Variants in ZNF451 observed in about 807,000 individuals in gnomAD.
ZNF451 encodes E3 SUMO-protein ligase ZNF451.
Under a neutral mutation model 107.1 loss-of-function variants are expected in ZNF451, and 80 were observed. The ratio of observed to expected loss-of-function variants is 0.75; its 90% CI spans 0.62 to 0.90. The LOEUF (loss-of-function observed/expected upper bound fraction) is 0.90, where lower values mean the gene tolerates loss of function less well. ZNF451 is among the 40% of genes least tolerant of loss of function. The probability of loss-of-function intolerance (pLI) is 0.00; values close to 1 mark genes in which losing one functional copy is unlikely to be tolerated. For synonymous variants in ZNF451, 362 were observed against 406.5 expected, an observed-to-expected ratio of 0.89 and a Z score of 1.32; for missense variants, 1,107 against 1,236.2, an observed-to-expected ratio of 0.90 and a Z score of 1.57.
intron 3 of ZNF451, chr6:57,105,815 G>T (rs1156890897): frequency 1.0e-6 from 1 of 985,198 alleles, no homozygotes; most frequent in African/African-American, 1.7e-5. Context: ...TTAAAAAGCA[G>T]TAAATTTGCT....
In ZNF451 at chr6:57,153,988, A is replaced by G; in HGVS notation, c.3011A>G (p.His1004Arg). The change falls in exon 13 of 15, where the codon CAC becomes CGC. Residue 1004 changes from histidine to arginine, a missense_variant. His to Arg is a conservative substitution (Grantham distance 29). Coordinates refer to ENST00000370706, the MANE Select transcript of ZNF451 (RefSeq NM_001031623.3). ...TQRPAHILNPHHLEGDMMCAL... is the reference protein window; with the variant it reads ...TQRPAHILNPRHLEGDMMCAL... ...AGGCCAGCTCATATACTAAACCCTCACCACTTAGAGGGAGATATGATGTGT... is the reference window on the plus strand; with the variant it reads ...AGGCCAGCTCATATACTAAACCCTCGCCACTTAGAGGGAGATATGATGTGT... The G allele has an allele frequency of 6.2e-7, 1 of 1,614,110 alleles. No homozygotes were observed. The highest frequency in any genetic ancestry group is 8.5e-7 in the Non-Finnish European group (1 of 1,180,008).
chr6:57,104,390 C>G, intron 3 of ZNF451: 3 of 985,360 alleles, frequency 3.0e-6, no homozygotes, highest in Non-Finnish European at 3.6e-6. Context: ...TTCTGACTAG[C>G]TAAGGCTACT....
In ZNF451 at chr6:57,148,079, T is replaced by A. The variant is rs756076400; in HGVS notation, c.1994T>A (p.Ile665Asn). 6.2e-7 allele frequency: 1 copy of A among 1,614,092 alleles called. No homozygotes were observed. ...CQDEHDNEIK[I>N]KYFCGLCDLI... ...GATGAGCATGACAATGAGATAAAGA[T>A]TAAATACTTCTGTGGGCTTTGTGAT... The change falls in exon 10 of 15, where the codon ATT (isoleucine) becomes AAT (asparagine). Residue 665 changes from isoleucine to asparagine, a missense_variant. By Grantham distance (149) the Ile-to-Asn change is moderately radical. Coordinates refer to ENST00000370706, the MANE Select transcript of ZNF451 (RefSeq NM_001031623.3).
intron 3 of ZNF451, chr6:57,101,736 C>T: frequency 6.4e-7 from 1 of 1,550,494 alleles, no homozygotes; most frequent in Non-Finnish European, 8.7e-7. Flanking sequence ...CTACTAGGGA[C>T]ATAATGGACT....
intron 3 of ZNF451, among the ~76,000 whole-genome samples, chr6:57,118,786 A>G (rs1052245978): frequency 6.6e-6 from 1 of 152,190 alleles, no homozygotes; most frequent in Non-Finnish European, 1.5e-5. Context: ...CTCGACCACT[A>G]ATTTGCTTTT....
intron 3 of ZNF451, chr6:57,106,667 T>A (rs973940394): frequency 1.0e-6 from 1 of 985,038 alleles, no homozygotes; most frequent in Non-Finnish European, 1.2e-6. Flanking sequence ...TCGCACTGTT[T>A]AGGTTCTCTT....
intron 9 of ZNF451, among the ~76,000 whole-genome samples, chr6:57,145,415 G>A (rs1832014381): frequency 6.6e-6 from 1 of 152,144 alleles, no homozygotes; most frequent in Non-Finnish European, 1.5e-5. Context: ...AGTGAACATT[G>A]TACCCAATAG....
At chr6:57,103,410 C>G (rs1232512289) in intron 3 of ZNF451, 1 of 985,266 alleles carries the variant, frequency 1.0e-6, no homozygotes, top group South Asian at 4.7e-5. Flanking sequence ...TAAGAGACAG[C>G]TTATCTTTTT....
rs1198679292 is a variant in ZNF451 at position 57,134,848 on chromosome 6, A to C, written c.680A>C (p.Tyr227Ser). The C allele has an allele frequency of 6.2e-7, 1 of 1,607,828 alleles. No homozygotes were observed. Among genetic ancestry groups the C allele is most frequent in the African/African-American group, 1.3e-5 (1 of 74,790 alleles). Residue 227 changes from tyrosine (Y) to serine (S), a missense_variant, in exon 7 of 15, where the codon TAT becomes TCT. Tyr to Ser is a moderately radical substitution (Grantham distance 144, BLOSUM62 -2). Transcript: ENST00000370706. ...AAAAAATTTGTTACTCAACAACAAT[A>C]TAGAGATCACCTTTTTGATAAGGTA... ...CYKKFVTQQQ[Y>S]RDHLFDKEAT... is the part of the protein sequence containing the mutation.
At chr6:57,124,613 A>C (rs1830830381) in intron 3 of ZNF451, 121 bp from the exon 4 acceptor site, 3 of 774,000 alleles carry the variant, frequency 3.9e-6, no homozygotes, top group Non-Finnish European at 6.5e-6. Flanking sequence ...TACAATACAC[A>C]AAATAGGTTC....
chr6:57,141,394 G>A lies in ZNF451; in HGVS notation c.795G>A (p.Lys265=). 2.5e-6 allele frequency: 4 copies of A among 1,613,486 alleles called. No homozygotes were observed. The highest frequency in any genetic ancestry group is 3.4e-6 in the Non-Finnish European group (4 of 1,179,696). ...CPNCFLLFSR[K]EECSKHMSGK... ...ATTGCTTCCTTCTTTTTAGCAGAAA[G>A]GAGGAGTGTTCAAAGCATATGTCTG... Residue 265 remains lysine (K), a synonymous_variant, in exon 8 of 15, where the codon AAG becomes AAA. Coordinates refer to ENST00000370706, the MANE Select transcript of ZNF451 (RefSeq NM_001031623.3).
At chr6:57,117,421 TGTA>T (rs1239402670) in intron 3 of ZNF451, among the ~76,000 whole-genome samples, 1 of 152,116 alleles carries the variant, frequency 6.6e-6, no homozygotes, top group Non-Finnish European at 1.5e-5. Flanking sequence ...GAAAAACAAT[TGTA>T]GTAAATAATG....
At chr6:57,135,633 TTAAA>T (rs896358193) in intron 7 of ZNF451, among the ~76,000 whole-genome samples, 2 of 152,160 alleles carry the variant, frequency 1.3e-5, no homozygotes, top group African/African-American at 4.8e-5. Flanking sequence ...ACATAAAAGC[TTAAA>T]TATTCATCGA....
At chr6:57,109,425 T>C in intron 3 of ZNF451, 5 of 985,454 alleles carry the variant, frequency 5.1e-6, no homozygotes, top group Non-Finnish European at 6.0e-6. Flanking sequence ...AGTCACTTGT[T>C]TTCTGAGCCT....
At chr6:57,155,430 G>A (rs1342216816) in intron 13 of ZNF451, among the ~76,000 whole-genome samples, 2 of 152,194 alleles carry the variant, frequency 1.3e-5, no homozygotes, top group Non-Finnish European at 2.9e-5. Flanking sequence ...AGGTTGCAGT[G>A]AGCTGAGATT....
At chr6:57,127,840 A>T (rs1200569330) in intron 4 of ZNF451, among the ~76,000 whole-genome samples, 1 of 152,216 alleles carries the variant, frequency 6.6e-6, no homozygotes, top group East Asian at 1.9e-4. Context: ...AGTTTTATGG[A>T]TAATATAACT....
rs1464477538 is a variant in ZNF451, at chr6:57,142,102, A to G, written c.1004+7A>G. Reference sequence around the variant, plus strand: ...AGCTCACTGCCCATTTCAGGTTTGTATTGGTCTGGAGCTGTAAAGGAATAC... The same window carrying G: ...AGCTCACTGCCCATTTCAGGTTTGTGTTGGTCTGGAGCTGTAAAGGAATAC... On this transcript the variant is annotated splice_region_variant and intron_variant, in intron 9 of 14. Transcript: ENST00000370706. 13 of 1,607,080 alleles carry G rather than the reference A, an allele frequency of 8.1e-6. No homozygotes were observed. The highest frequency in any genetic ancestry group is 2.7e-5 in the African/African-American group (2 of 74,856).
intron 4 of ZNF451, 38 bp downstream of exon 4, chr6:57,124,897 A>C: frequency 3.1e-6 from 4 of 1,297,010 alleles, no homozygotes; most frequent in Non-Finnish European, 4.0e-6. Flanking sequence ...TATAATTAAA[A>C]AATTATTTAT....
intron 8 of ZNF451, 39 bp from the exon 9 acceptor site, chr6:57,141,909 C>T (rs762400942): frequency 3.8e-6 from 6 of 1,588,984 alleles, no homozygotes; most frequent in Non-Finnish European, 2.6e-6. Flanking sequence ...ACTCTGTACT[C>T]AAATAACTTT....
Sources: gnomAD v4.1 joint callset for allele counts (sites outside exome capture counted in the v4.1 genomes callset) on GRCh38, gnomAD v4.1.1 for gene constraint, MANE v1.5 for transcripts, NCBI Gene and HGNC (gene_info 2026-07-23, HGNC 2026-07-21) for gene names.